Variants in OPCML observed in about 807,000 individuals in gnomAD.
OPCML encodes the protein opioid-binding protein/cell adhesion molecule.
OPCML carries 13 observed loss-of-function variants against 37.8 expected under a neutral mutation model. The ratio of observed to expected loss-of-function variants is 0.34; its 90% CI spans 0.22 to 0.55. The LOEUF (loss-of-function observed/expected upper bound fraction) is 0.55, where lower values mean the gene tolerates loss of function less well. OPCML is among the 20% of genes least tolerant of loss of function. The probability of loss-of-function intolerance (pLI) is 0.91; values close to 1 mark genes in which losing one functional copy is unlikely to be tolerated. For synonymous variants in OPCML, 176 were observed against 168.8 expected, an observed-to-expected ratio of 1.04 and a Z score of -0.33; for missense variants, 341 against 435.6, an observed-to-expected ratio of 0.78 and a Z score of 1.93.
At chr11:132,928,281 G>T (rs1044818595) in intron 2 of OPCML, among the ~76,000 whole-genome samples, 1 of 151,924 alleles carries the variant, frequency 6.6e-6, no homozygotes, top group Non-Finnish European at 1.5e-5. Flanking sequence ...GTGAAAGGTT[G>T]AAAAAGTATT....
Position 132,674,070 on chromosome 11 carries a change from A to T in OPCML, c.147-16751T>A, listed in dbSNP as rs532434601. On this transcript the variant is annotated intron_variant, in intron 2 of 7. Transcript: ENST00000524381. ...GAGGCTCTTCAAAGTGTTTAGATAA[A>T]GCAGACAAGCTCTGACAAAGCTAGC... is the stretch of plus-strand genomic sequence containing the variant. 2.6e-5 allele frequency among the ~76,000 whole-genome samples: 4 copies of T among 152,336 alleles called. No individual in the cohort carries two copies. The South Asian group carries it at 8.3e-4, about 32-fold the overall frequency.
intron 2 of OPCML, among the ~76,000 whole-genome samples, chr11:132,698,067 T>C (rs2917566): frequency 0.51 from 76,529 of 150,554 alleles, 19,667 homozygotes; most frequent in Admixed American, 0.57. Context: ...TGGGCCCAAG[T>C]AATCCTTCTG....
chr11:133,289,020 G>GAGA (rs2136532092), intron 1 of OPCML, among the ~76,000 whole-genome samples: 1 of 152,274 alleles, frequency 6.6e-6, no homozygotes, highest in African/African-American at 2.4e-5. Flanking sequence ...GACATGCAGG[G>GAGA]AGAAACTGAG....
intron 2 of OPCML, among the ~76,000 whole-genome samples, chr11:132,831,529 C>A (rs939393389): frequency 6.6e-6 from 1 of 152,134 alleles, no homozygotes; most frequent in African/African-American, 2.4e-5. Flanking sequence ...AGAATCCACA[C>A]TGCCATTTTC....
intron 1 of OPCML, among the ~76,000 whole-genome samples, chr11:133,149,890 G>T (rs181966743): frequency 1.3e-5 from 2 of 152,326 alleles, no homozygotes; most frequent in East Asian, 3.9e-4. Context: ...CAGGGAGGTG[G>T]TTATGCCAGA....
chr11:133,124,013 C>A (rs1395173111), intron 1 of OPCML, among the ~76,000 whole-genome samples: 1 of 151,830 alleles, frequency 6.6e-6, no homozygotes, highest in Non-Finnish European at 1.5e-5. Context: ...AACATGAATG[C>A]CAGCAATGAC....
chr11:132,480,453 T>C (rs1476086613), intron 4 of OPCML, among the ~76,000 whole-genome samples: 2 of 152,216 alleles, frequency 1.3e-5, no homozygotes, highest in African/African-American at 2.4e-5. Flanking sequence ...ATGCAGGATA[T>C]TCTCCAGGAG....
chr11:132,825,574 C>T (rs949644173), intron 2 of OPCML, among the ~76,000 whole-genome samples: 9 of 152,118 alleles, frequency 5.9e-5, no homozygotes, highest in Admixed American at 3.9e-4. Flanking sequence ...AGGTCTGGCA[C>T]GTATAAGACA....
intron 3 of OPCML, among the ~76,000 whole-genome samples, chr11:132,639,885 G>A (rs1476859457): frequency 2.0e-5 from 3 of 152,310 alleles, no homozygotes; most frequent in East Asian, 1.9e-4. Context: ...GGCTGTCATC[G>A]ACAGTAGCTA....
chr11:133,478,918 C>T (rs746758743), intron 1 of OPCML, among the ~76,000 whole-genome samples: 3 of 151,972 alleles, frequency 2.0e-5, no homozygotes, highest in Non-Finnish European at 2.9e-5. Flanking sequence ...AAACAAGTCA[C>T]GCCATCCTAA....
chr11:133,287,332 A>C (rs1942330194), intron 1 of OPCML, among the ~76,000 whole-genome samples: 1 of 137,444 alleles, frequency 7.3e-6, no homozygotes, highest in Non-Finnish European at 1.5e-5. Context: ...GGCTAGTCTC[A>C]AACTCCTGGC....
At chr11:133,319,357 T>A (rs1366606226) in intron 1 of OPCML, among the ~76,000 whole-genome samples, 1 of 152,136 alleles carries the variant, frequency 6.6e-6, no homozygotes, top group African/African-American at 2.4e-5. Flanking sequence ...ACAGCATAGT[T>A]CACAGGCCAC....
intron 1 of OPCML, among the ~76,000 whole-genome samples, chr11:133,215,449 CAA>C (rs1344841805): frequency 2.0e-5 from 3 of 152,172 alleles, no homozygotes; most frequent in African/African-American, 7.2e-5. Flanking sequence ...AAAGGCACAT[CAA>C]AAGTCATTTG....
intron 1 of OPCML, among the ~76,000 whole-genome samples, chr11:133,204,884 A>ATGTGTG (rs1555114209): frequency 5.2e-4 from 19 of 36,264 alleles, no homozygotes; most frequent in African/African-American, 1.5e-3. Flanking sequence ...ATATATATAT[A>ATGTGTG]TATATATATA....
At chr11:133,195,807 A>G (rs1938513778) in intron 1 of OPCML, among the ~76,000 whole-genome samples, 1 of 152,210 alleles carries the variant, frequency 6.6e-6, no homozygotes, top group African/African-American at 2.4e-5. Context: ...CTCCCTCACC[A>G]AGCAGAGTCT....
rs564402060 is a variant in OPCML, at chr11:132,854,280, G to T, written c.146+88646C>A. On this transcript the variant is annotated intron_variant, in intron 2 of 7. Transcript: ENST00000524381. ...GAGCTTCTGGCCCCATGGAGTTGGGGTGCACCATCCTCCTGGCATTTGGAT... is the reference window on the plus strand; with the variant it reads ...GAGCTTCTGGCCCCATGGAGTTGGGTTGCACCATCCTCCTGGCATTTGGAT... Among the ~76,000 whole-genome samples the T allele has an allele frequency of 1.6e-4, 25 of 152,334 alleles. No individual in the cohort carries two copies. The East Asian group carries it at 4.6e-3, about 28-fold the overall frequency.
chr11:132,714,554 A>G (rs1354483948), intron 2 of OPCML, among the ~76,000 whole-genome samples: 1 of 151,420 alleles, frequency 6.6e-6, no homozygotes, highest in Non-Finnish European at 1.5e-5. Flanking sequence ...GAAAGTGTAG[A>G]AGTTAAAGTC....
At chr11:133,125,950 T>A (rs1041842918) in intron 1 of OPCML, among the ~76,000 whole-genome samples, 7 of 147,580 alleles carry the variant, frequency 4.7e-5, no homozygotes, top group African/African-American at 1.8e-4. Flanking sequence ...TATAGACACA[T>A]GTATATAGTG....
chr11:132,643,253 G>A (rs1380359642), intron 3 of OPCML, among the ~76,000 whole-genome samples: 1 of 152,152 alleles, frequency 6.6e-6, no homozygotes, highest in African/African-American at 2.4e-5. Context: ...CTCCAGCCTG[G>A]GTGACAGCGT....
Sources: gnomAD v4.1 joint callset for allele counts (sites outside exome capture counted in the v4.1 genomes callset) on GRCh38, gnomAD v4.1.1 for gene constraint, MANE v1.5 for transcripts, NCBI Gene and HGNC (gene_info 2026-07-23, HGNC 2026-07-21) for gene names.